Variants in RYK observed in about 807,000 individuals in gnomAD.
RYK encodes the protein inactive tyrosine-protein kinase RYK.
In RYK, 21 loss-of-function variants were observed where a neutral mutation model predicts 70.2. The ratio of observed to expected loss-of-function variants is 0.30; its 90% confidence interval spans 0.21 to 0.43. The LOEUF (loss-of-function observed/expected upper bound fraction) is 0.43. RYK is among the 20% of genes least tolerant of loss of function. The pLI is 1.00. For synonymous variants in RYK, 267 were observed against 278.0 expected (o/e 0.96, Z 0.39); for missense variants, 604 against 753.3 (o/e 0.80, Z 2.32).
chr3:134,231,028 T>G (rs534849645), intron 1 of RYK, among the ~76,000 whole-genome samples: 1 of 152,190 alleles, frequency 6.6e-6, no homozygotes, highest in Admixed American at 6.5e-5. Flanking sequence ...TAAAGAACTC[T>G]GTTCCTAATA....
chr3:134,249,937 T>G (rs1289690228), intron 1 of RYK, among the ~76,000 whole-genome samples: 1 of 148,620 alleles, frequency 6.7e-6, no homozygotes, highest in Non-Finnish European at 1.5e-5. Flanking sequence ...TTTTTTTTTT[T>G]TTTTTTGTAA....
At chr3:134,215,216 A>C (rs371241975) in intron 2 of RYK, among the ~76,000 whole-genome samples, 14 of 149,946 alleles carry the variant, frequency 9.3e-5, no homozygotes, top group African/African-American at 3.2e-4. Flanking sequence ...GTCCAGGGCC[A>C]TAACTGCAGT....
At chr3:134,189,933 T>C (rs2013594763) in intron 8 of RYK, among the ~76,000 whole-genome samples, 2 of 152,138 alleles carry the variant, frequency 1.3e-5, no homozygotes, top group Admixed American at 1.3e-4. Flanking sequence ...TCTTTCTCAC[T>C]AGAAAATTGT....
At chr3:134,196,582 AACACACAC>A (rs57185535) in intron 6 of RYK, among the ~76,000 whole-genome samples, 34,690 of 128,236 alleles carry the variant, frequency 0.27, 4,194 homozygotes, top group Admixed American at 0.33. Flanking sequence ...TCTGAAACAA[AACACACAC>A]ACACACACAC....
chr3:134,225,872 C>CAAA (rs71304288), intron 1 of RYK, among the ~76,000 whole-genome samples: 172 of 136,626 alleles, frequency 1.3e-3, no homozygotes, highest in Non-Finnish European at 2.0e-3. Context: ...ATAAAAAGAT[C>CAAA]AAAAAAAAAA....
chr3:134,242,177 C>T (rs1241209818), intron 1 of RYK, among the ~76,000 whole-genome samples: 5 of 152,030 alleles, frequency 3.3e-5, no homozygotes, highest in East Asian at 3.9e-4. Context: ...TGGTGGTGGA[C>T]GCCTGTGATC....
intron 1 of RYK, among the ~76,000 whole-genome samples, chr3:134,234,466 T>C (rs936947515): frequency 2.6e-5 from 4 of 152,142 alleles, no homozygotes; most frequent in Non-Finnish European, 5.9e-5. Context: ...GGAAAAAATT[T>C]CCACATGCAA....
chr3:134,181,741 G>A (rs1270765629), intron 10 of RYK: 3 of 152,026 alleles, frequency 2.0e-5, no homozygotes, highest in African/African-American at 7.2e-5. Flanking sequence ...ACTCTATATA[G>A]TGCTTTAAAA....
Position 134,160,394 on chromosome 3 carries a change from C to G in RYK, c.1576-1021G>C, listed in dbSNP as rs529549262. The stretch of plus-strand genomic sequence containing the variant: ...TACCAAACGCAAGTCAAATACAAGT[C>G]TGTTTGTAAAATCTAAACATGTTGC... On this transcript the variant is annotated intron_variant, in intron 13 of 14. Transcript: ENST00000623711. 2.6e-5 allele frequency among the ~76,000 whole-genome samples: 4 copies of G among 152,166 alleles called. No individual in the cohort carries two copies. The South Asian group carries it at 8.3e-4, about 32-fold the overall frequency.
chr3:134,246,357 ATAAAGGGTGGGAATTATT>A (rs2015468184), intron 1 of RYK, among the ~76,000 whole-genome samples: 1 of 139,418 alleles, frequency 7.2e-6, no homozygotes, highest in East Asian at 2.2e-4. Context: ...GAGAGAGAAA[ATAAAGGGTGGGAATTATT>A]AAAAAAAAAA....
At chr3:134,214,467 C>T (rs1447129938) in intron 2 of RYK, among the ~76,000 whole-genome samples, 1 of 152,148 alleles carries the variant, frequency 6.6e-6, no homozygotes, top group Non-Finnish European at 1.5e-5. Context: ...CACCTAGTTT[C>T]ATGTTCTCCA....
At chr3:134,162,477 C>T (rs1339525498) in intron 13 of RYK, among the ~76,000 whole-genome samples, 2 of 152,038 alleles carry the variant, frequency 1.3e-5, no homozygotes, top group Non-Finnish European at 2.9e-5. Flanking sequence ...AGGGGGCAGG[C>T]GACAGATGGA....
intron 2 of RYK, among the ~76,000 whole-genome samples, chr3:134,213,068 A>G (rs1001397996): frequency 1.3e-5 from 2 of 152,182 alleles, no homozygotes; most frequent in African/African-American, 4.8e-5. Flanking sequence ...TTAGCATATC[A>G]CAATACCATT....
chr3:134,188,902 T>A lies in RYK; in HGVS notation c.1037A>T (p.His346Leu). 3 of 1,573,040 alleles carry A rather than the reference T, an allele frequency of 1.9e-6. No homozygotes were observed. The highest frequency in any genetic ancestry group is 2.6e-6 in the Non-Finnish European group (3 of 1,149,702). ...LQEGTFGRIF[H>L]GILIDEKDPN... is the part of the protein sequence containing the mutation. ...ATCTTTTTCATCTATTAAAATCCCA[T>A]GGAAAATACGCCCAAAAGTACCTAA... Residue 346 changes from histidine to leucine, a missense_variant, in exon 9 of 15, where the codon CAT (histidine) becomes CTT (leucine). Physicochemically the swap from His to Leu is moderately conservative, Grantham distance 99. Transcript: ENST00000623711.
chr3:134,179,836 T>A (rs1485543771), intron 10 of RYK: 2 of 152,242 alleles, frequency 1.3e-5, no homozygotes, highest in African/African-American at 2.4e-5. Flanking sequence ...TTAGCAGAGT[T>A]AAAGACATTT....
At chr3:134,195,449 A>G (rs1331037603) in intron 6 of RYK, 1 of 319,250 alleles carries the variant, frequency 3.1e-6, no homozygotes, top group Non-Finnish European at 5.7e-6. Flanking sequence ...CAGACACCTC[A>G]GCTAATTGTC....
chr3:134,179,113 A>G (rs2013207910), intron 10 of RYK: 1 of 152,232 alleles, frequency 6.6e-6, no homozygotes, highest in African/African-American at 2.4e-5. Context: ...GTAAAAGCTT[A>G]TCTTACAAGA....
intron 8 of RYK, among the ~76,000 whole-genome samples, chr3:134,190,066 A>T (rs1576512297): frequency 1.3e-5 from 2 of 152,328 alleles, no homozygotes; most frequent in East Asian, 3.9e-4. Flanking sequence ...AGTTGTTGGT[A>T]TCCATGTATC....
intron 6 of RYK, among the ~76,000 whole-genome samples, chr3:134,199,630 G>A (rs897939603): frequency 3.9e-5 from 6 of 152,298 alleles, no homozygotes; most frequent in African/African-American, 1.2e-4. Context: ...CCTATGCAGA[G>A]AGAGAAGCAG....
Sources: allele counts gnomAD v4.1 joint callset (sites outside exome capture counted in the v4.1 genomes callset), GRCh38; gene constraint gnomAD v4.1.1; transcripts MANE v1.5; gene names NCBI Gene and HGNC (gene_info 2026-07-23, HGNC 2026-07-21).